Variants in RGS3 observed in about 807,000 individuals in gnomAD.
The protein encoded by RGS3 is regulator of G-protein signalling 3.
RGS3 carries 80 observed loss-of-function variants against 132.6 expected under a neutral mutation model. The observed-to-expected ratio is 0.60, with a 90% CI of 0.50 to 0.73. RGS3 has a LOEUF of 0.73. RGS3 is among the 30% of genes least tolerant of loss of function. The pLI is 0.00. For synonymous variants in RGS3, 598 were observed against 620.6 expected (o/e 0.96, Z 0.54); for missense variants, 1,382 against 1,530.8 (o/e 0.90, Z 1.62).
intron 19 of RGS3, among the ~76,000 whole-genome samples, chr9:113,575,970 A>G (rs920821383): frequency 1.3e-5 from 2 of 152,166 alleles, no homozygotes; most frequent in South Asian, 2.1e-4. Context: ...AGGTTTACGA[A>G]TGTGTATTTT....
chr9:113,526,377 G>A (rs1054467676), intron 17 of RGS3, among the ~76,000 whole-genome samples: 10 of 152,216 alleles, frequency 6.6e-5, no homozygotes, highest in South Asian at 4.1e-4. Context: ...GAAGGGACAC[G>A]TTGCCACCTC....
In RGS3 at chr9:113,463,781, G is replaced by C; in HGVS notation, c.415+1580G>C. The C allele has an allele frequency of 1.9e-6, 3 of 1,601,492 alleles. No homozygotes were observed. The highest frequency in any genetic ancestry group is 1.1e-5 in the South Asian group (1 of 89,278). On this transcript the variant is annotated intron_variant, in intron 3 of 24. Transcript: ENST00000350696. The surrounding 1 kb of genome is among the most constrained non-coding windows in gnomAD (Gnocchi z 4.6). Reference sequence around the variant, plus strand: ...GCCGCCTCGGGTTGCAGACGCTCCTGTCCGGGTCGCAGTGGGACGCCATGG... The same window carrying C: ...GCCGCCTCGGGTTGCAGACGCTCCTCTCCGGGTCGCAGTGGGACGCCATGG...
chr9:113,529,170 G>T (rs1202448007), intron 17 of RGS3, 51 bp from the exon 16 acceptor site: 1 of 1,443,728 alleles, frequency 6.9e-7, no homozygotes, highest in Non-Finnish European at 9.8e-7. Flanking sequence ...GCAAACTGCT[G>T]AGGCTCTTTA....
intron 19 of RGS3, among the ~76,000 whole-genome samples, chr9:113,562,619 T>A (rs1487113826): frequency 1.3e-5 from 2 of 152,116 alleles, no homozygotes; most frequent in African/African-American, 4.8e-5. Flanking sequence ...AATATGTGGA[T>A]CAGTGATTGG....
At chr9:113,596,888 C>T (rs1284881537) in exon 25 of RGS3, 7 of 1,613,708 alleles carry the variant, frequency 4.3e-6, no homozygotes, top group South Asian at 1.1e-5. Context: ...CTCGTACCCT[C>T]GCTTTCTCCG....
At position 113,496,156 on chromosome 9, in the gene RGS3, C is replaced by T. The variant is rs138533525; in HGVS notation, c.750+310C>T. Among the ~76,000 whole-genome samples, 115 of 152,326 alleles carry T rather than the reference C, an allele frequency of 7.5e-4. 1 individual carries two copies. The highest frequency in any genetic ancestry group is 2.5e-3 in the African/African-American group (103 of 41,576). On this transcript the variant is annotated intron_variant, in intron 8 of 24. Transcript: ENST00000350696. Reference sequence around the variant, plus strand: ...CAGATCCCTTGGGGCCCAGAGCACTCCTGGGCCTGCCCCAGAAGATGAGGG... The same window carrying T: ...CAGATCCCTTGGGGCCCAGAGCACTTCTGGGCCTGCCCCAGAAGATGAGGG...
At chr9:113,573,621 C>T (rs1423419812) in intron 19 of RGS3, among the ~76,000 whole-genome samples, 1 of 152,200 alleles carries the variant, frequency 6.6e-6, no homozygotes, top group African/African-American at 2.4e-5. Flanking sequence ...GAAAACATCA[C>T]AGAGAAGCCA....
intron 19 of RGS3, among the ~76,000 whole-genome samples, chr9:113,555,976 G>C (rs1372356743): frequency 6.6e-6 from 1 of 152,040 alleles, no homozygotes; most frequent in Non-Finnish European, 1.5e-5. Flanking sequence ...TTCCAGAAAG[G>C]GTCTGTGGGT....
In RGS3 at chr9:113,527,487, TAC is replaced by T. The variant is rs748820075; in HGVS notation, c.1871-1732_1871-1731del. 9.5e-4 allele frequency among the ~76,000 whole-genome samples: 144 copies of T among 152,300 alleles called. 1 individual carries two copies. Among genetic ancestry groups the T allele is most frequent in the South Asian group, 1.5e-3 (7 of 4,820 alleles). ...AAGGAACCAGCAGAAGCTTTGAAAT[TAC>T]AGTTTTCTTAAACATGATGGACTTC... On this transcript the variant is annotated intron_variant, in intron 17 of 24. Transcript: ENST00000350696.
exon 20 of RGS3, chr9:113,584,045 A>G (rs767278622): frequency 5.6e-6 from 9 of 1,613,912 alleles, no homozygotes; most frequent in Non-Finnish European, 7.6e-6. Flanking sequence ...TGCTCGGGAG[A>G]TGAGGAGGAT....
intron 19 of RGS3, among the ~76,000 whole-genome samples, chr9:113,548,587 C>A (rs766630062): frequency 1.6e-4 from 24 of 152,146 alleles, no homozygotes; most frequent in Non-Finnish European, 3.2e-4. Context: ...GGCCTCACCC[C>A]CTTCCTCTTC....
At chr9:113,558,073 C>T (rs575260992) in intron 19 of RGS3, among the ~76,000 whole-genome samples, 8 of 152,202 alleles carry the variant, frequency 5.3e-5, no homozygotes, top group South Asian at 4.2e-4. Context: ...CAGGGAGAGC[C>T]GATGGTTGCT....
chr9:113,541,766 T>C, intron 19 of RGS3: 1 of 1,017,908 alleles, frequency 9.8e-7, no homozygotes, highest in Non-Finnish European at 1.2e-6. Flanking sequence ...GCAGGAGAGG[T>C]TGGGAGAGGT....
rs1192619578 is a variant in RGS3 at position 113,447,319 on chromosome 9, GTATGTATATGTA to G, written c.-13+2396_-13+2407del. Among the ~76,000 whole-genome samples, 130 of 21,884 alleles carry G rather than the reference GTATGTATATGTA, an allele frequency of 5.9e-3. 9 individuals carry two copies. Among genetic ancestry groups the G allele is most frequent in the South Asian group, 0.012 (2 of 168 alleles). 14.4% of individuals were successfully genotyped at this position (21,884 alleles called of 152,430 possible). On this transcript the variant is annotated intron_variant, in intron 1 of 25. Coordinates refer to the RGS3 transcript ENST00000374140. ...AGGGTGTAAACCAATAAATTCTGAT[GTATGTATATGTA>G]TATATATATATATATATATATATAT...
At chr9:113,483,448 C>T (rs1830228251) in intron 5 of RGS3, among the ~76,000 whole-genome samples, 1 of 152,196 alleles carries the variant, frequency 6.6e-6, no homozygotes, top group South Asian at 2.1e-4. Context: ...CCACTTTCCC[C>T]CCAAACTAGG....
intron 4 of RGS3, among the ~76,000 whole-genome samples, chr9:113,481,982 G>A (rs1025202031): frequency 6.6e-5 from 10 of 151,544 alleles, no homozygotes; most frequent in Middle Eastern, 3.4e-3. Context: ...GGAGGTGGAG[G>A]TTGCAGTGAG....
At chr9:113,583,489 T>C in exon 20 of RGS3, 1 of 1,614,158 alleles carries the variant, frequency 6.2e-7, no homozygotes, top group Non-Finnish European at 8.5e-7. Context: ...GGAGATGGCC[T>C]TGGAGGAAGG....
intron 19 of RGS3, chr9:113,582,272 C>G (rs1438429910): frequency 1.1e-6 from 1 of 885,572 alleles, no homozygotes; most frequent in Non-Finnish European, 1.4e-6. Context: ...GCTCAGTTTT[C>G]TCATCCATCA....
At chr9:113,492,202 T>G (rs1263595194) in intron 7 of RGS3, among the ~76,000 whole-genome samples, 1 of 152,214 alleles carries the variant, frequency 6.6e-6, no homozygotes, top group Non-Finnish European at 1.5e-5. Context: ...GTAATGAGTC[T>G]GCAACCCTAT....
Sources: allele counts gnomAD v4.1 joint callset (sites outside exome capture counted in the v4.1 genomes callset), GRCh38; gene constraint gnomAD v4.1.1; non-coding constraint Gnocchi (gnomAD v3.1); transcripts MANE v1.5; gene names NCBI Gene and HGNC (gene_info 2026-07-23, HGNC 2026-07-21).